SEPTIN10: variants seen among roughly 807,000 people sequenced by gnomAD.
The protein encoded by SEPTIN10 is septin 10.
A neutral mutation model predicts 54.8 loss-of-function variants in SEPTIN10; 66 were observed. The observed-to-expected ratio is 1.21, with a 90% CI of 0.99 to 1.48. SEPTIN10 has a LOEUF of 1.48. Among genes scored for constraint, SEPTIN10 ranks in the 40% most tolerant of loss-of-function variants. The pLI, the probability that SEPTIN10 is intolerant of heterozygous loss-of-function variation, is 0.00. For synonymous variants in SEPTIN10, 161 were observed against 181.0 expected (o/e 0.89, Z 0.89); for missense variants, 620 against 545.6 (o/e 1.14, Z -1.36).
rs1025282878 is a variant in SEPTIN10 at position 109,574,853 on chromosome 2, T to G, written c.414-86A>C. ...AACTCTTAGAAGTTTGAGGTCTATA[T>G]TTTCACTAATTAATAAACAGTTAAT... On this transcript the variant is annotated intron_variant, in intron 4 of 10. Transcript: ENST00000397712. The G allele has an allele frequency of 1.2e-4, 108 of 881,728 alleles. 1 individual carries two copies. The highest frequency in any genetic ancestry group is 4.0e-4 in the Admixed American group (12 of 29,934). The allele number at this position is 881,728 out of a possible 1,614,324, so 54.6% of individuals were successfully genotyped here. A position where few individuals can be genotyped will look rare whatever the true frequency, so the allele number is the denominator to read the frequency against.
In SEPTIN10 at chr2:109,542,860, C is replaced by T. The variant is rs2104483456; in HGVS notation, c.*1449G>A. 1 of 152,570 alleles carries T rather than the reference C, an allele frequency of 6.6e-6. No individual in the cohort carries two copies. Among genetic ancestry groups the T allele is most frequent in the African/African-American group, 2.4e-5 (1 of 41,578 alleles). 9.5% of individuals were successfully genotyped at this position (152,570 alleles called of 1,614,324 possible). On this transcript the variant is annotated 3_prime_UTR_variant, in exon 11 of 11. Transcript: ENST00000397712. ...CTCTATGATTGCTCAGAATCTGACA[C>T]AGACTAATAAGTTTCATTGTCTGAA...
In SEPTIN10 at chr2:109,593,121, TA is replaced by T; in HGVS notation, c.31-3del. On this transcript the variant is annotated splice_polypyrimidine_tract_variant and splice_region_variant and intron_variant, in intron 1 of 10. Transcript: ENST00000397712. ...CGTTGCCATGTGAGACTGAAAGAGCTAAAAAAGGAATACAAAGGCTTAAAAG... is the reference window on the plus strand; with the variant it reads ...CGTTGCCATGTGAGACTGAAAGAGCTAAAAAGGAATACAAAGGCTTAAAAG... The T allele has an allele frequency of 3.8e-6, 6 of 1,590,690 alleles. No individual in the cohort carries two copies. Among genetic ancestry groups the T allele is most frequent in the East Asian group, 2.3e-5 (1 of 44,130 alleles).
chr2:109,557,687 TGGTAA>T (rs1362306356), intron 8 of SEPTIN10, among the ~76,000 whole-genome samples: 1 of 152,166 alleles, frequency 6.6e-6, no homozygotes, highest in Non-Finnish European at 1.5e-5. Flanking sequence ...TTTCAAAAGG[TGGTAA>T]AGAAAGTCAG....
At chr2:109,562,504 A>G (rs1476536182) in intron 8 of SEPTIN10, among the ~76,000 whole-genome samples, 1 of 151,702 alleles carries the variant, frequency 6.6e-6, no homozygotes, top group Admixed American at 6.6e-5. Flanking sequence ...CTGAGCAGAT[A>G]GCAGACAAAC....
At chr2:109,607,475 T>C (rs1476330928) in intron 1 of SEPTIN10, among the ~76,000 whole-genome samples, 1 of 152,166 alleles carries the variant, frequency 6.6e-6, no homozygotes, top group South Asian at 2.1e-4. Context: ...AATCGGTTCT[T>C]GGGAGGACAA....
chr2:109,566,387 G>C (rs1369740566), intron 6 of SEPTIN10, among the ~76,000 whole-genome samples: 1 of 151,860 alleles, frequency 6.6e-6, no homozygotes, highest in Non-Finnish European at 1.5e-5. Context: ...TTATAGGTGT[G>C]AGCCCTATAA....
In SEPTIN10 at chr2:109,585,271, T is replaced by C. The variant is rs774985954; in HGVS notation, c.268A>G (p.Asn90Asp). Reference protein sequence around the residue: ...STLIDTLFNTNFEDYESSHFC... With the variant: ...STLIDTLFNTDFEDYESSHFC... Reference sequence around the variant, plus strand: ...TGTGAGGATTCATAGTCTTCAAAATTAGTATTAAACAATGTGTCAATCAGT... The same window carrying C: ...TGTGAGGATTCATAGTCTTCAAAATCAGTATTAAACAATGTGTCAATCAGT... The change falls in exon 4 of 11, where the codon AAT becomes GAT. Residue 90 changes from asparagine (N) to aspartate (D), a missense_variant. Coordinates refer to ENST00000397712, the MANE Select transcript of SEPTIN10 (RefSeq NM_144710.5). The C allele has an allele frequency of 1.2e-6, 2 of 1,612,276 alleles. No individual in the cohort carries two copies. Among genetic ancestry groups the C allele is most frequent in the Non-Finnish European group, 1.7e-6 (2 of 1,179,258 alleles).
At chr2:109,553,621 G>A (rs1411329599) in intron 8 of SEPTIN10, among the ~76,000 whole-genome samples, 2 of 151,346 alleles carry the variant, frequency 1.3e-5, no homozygotes, top group African/African-American at 4.9e-5. Flanking sequence ...GGGAGGCTGA[G>A]GTGGGCAGAT....
chr2:109,583,152 G>C (rs916055243), intron 4 of SEPTIN10, among the ~76,000 whole-genome samples: 10 of 152,068 alleles, frequency 6.6e-5, no homozygotes, highest in African/African-American at 2.4e-4. Flanking sequence ...AAAAGCAAAT[G>C]CAACAAAAAC....
rs1696801927 is a variant in SEPTIN10, at chr2:109,602,432, T to C, written c.31-9313A>G. On this transcript the variant is annotated intron_variant, in intron 1 of 10. Coordinates refer to ENST00000397712, the MANE Select transcript of SEPTIN10 (RefSeq NM_144710.5). ...GGCTCACGCCTGTAATGCCAGCACC[T>C]TGGGAGGCCAAGGCGGGTGGATCAC... Among the ~76,000 whole-genome samples the C allele has an allele frequency of 2.0e-5, 3 of 152,118 alleles. No individual in the cohort carries two copies. The South Asian group carries it at 6.2e-4, about 31-fold the overall frequency.
chr2:109,596,473 C>T (rs952415252), intron 1 of SEPTIN10, among the ~76,000 whole-genome samples: 6 of 151,986 alleles, frequency 3.9e-5, no homozygotes, highest in African/African-American at 7.2e-5. Context: ...AAAAATTAGC[C>T]GAGCGTGCTG....
At chr2:109,574,492 G>T (rs572054765) in intron 5 of SEPTIN10, 89 bp downstream of exon 5, 828 of 505,630 alleles carry the variant, frequency 1.6e-3, no homozygotes, top group Non-Finnish European at 2.2e-3. Context: ...CAGGATAAAA[G>T]TTACAATATA....
At chr2:109,572,231 T>C (rs953506190) in intron 5 of SEPTIN10, among the ~76,000 whole-genome samples, 1 of 151,520 alleles carries the variant, frequency 6.6e-6, no homozygotes, top group African/African-American at 2.4e-5. Context: ...CCTGGGTTCA[T>C]GCCATTCTCC....
chr2:109,564,172 AAAAAGCAAGACTCTTC>A, intron 8 of SEPTIN10, 178 bp downstream of exon 8: 2 of 449,774 alleles, frequency 4.4e-6, no homozygotes, highest in Non-Finnish European at 7.4e-6. Flanking sequence ...ACAAGGACTT[AAAAAGCAAGACTCTTC>A]AAAAGCAAGA....
At chr2:109,598,783 G>C (rs1695893701) in intron 1 of SEPTIN10, among the ~76,000 whole-genome samples, 1 of 152,082 alleles carries the variant, frequency 6.6e-6, no homozygotes, top group African/African-American at 2.4e-5. Context: ...TTTACCAGGA[G>C]GCAGGAGAAC....
chr2:109,555,221 C>T (rs770680864), intron 8 of SEPTIN10, among the ~76,000 whole-genome samples: 1 of 152,152 alleles, frequency 6.6e-6, no homozygotes, highest in Non-Finnish European at 1.5e-5. Context: ...CTTTAAATTG[C>T]ACTCAAGAAA....
intron 1 of SEPTIN10, among the ~76,000 whole-genome samples, chr2:109,595,675 G>A (rs1232869316): frequency 6.6e-6 from 1 of 152,158 alleles, no homozygotes; most frequent in Non-Finnish European, 1.5e-5. Context: ...AACACCAGAA[G>A]GCAGAATTTC....
intron 8 of SEPTIN10, among the ~76,000 whole-genome samples, chr2:109,561,174 C>T (rs1478725201): frequency 6.6e-6 from 1 of 152,172 alleles, no homozygotes; most frequent in East Asian, 1.9e-4. Flanking sequence ...ATCTGTCCTG[C>T]TGTACTGCAG....
At chr2:109,554,257 G>A (rs188874574) in intron 8 of SEPTIN10, among the ~76,000 whole-genome samples, 69 of 152,252 alleles carry the variant, frequency 4.5e-4, no homozygotes, top group Non-Finnish European at 1.5e-4. Flanking sequence ...CTCCTACCAC[G>A]ATGTAATTCA....
Sources: allele counts gnomAD v4.1 joint callset (sites outside exome capture counted in the v4.1 genomes callset), GRCh38; gene constraint gnomAD v4.1.1; transcripts MANE v1.5; gene names NCBI Gene and HGNC (gene_info 2026-07-23, HGNC 2026-07-21).